Variants in MOB3B observed in about 807,000 individuals in gnomAD.
The protein encoded by MOB3B is MOB kinase activator-like 2B.
Under a neutral mutation model 18.7 loss-of-function variants are expected in MOB3B, and 7 were observed. That is an observed-to-expected ratio of 0.37 (90% confidence interval 0.21 to 0.70). The LOEUF (loss-of-function observed/expected upper bound fraction) is 0.70. Among genes scored for constraint, MOB3B ranks in the 30% least tolerant of loss-of-function variants. MOB3B has a pLI of 0.52. For missense variants in MOB3B, 253 were observed against 281.3 expected, an observed-to-expected ratio of 0.90 and a Z score of 0.72; for synonymous variants, 111 against 99.9, an observed-to-expected ratio of 1.11 and a Z score of -0.66.
At chr9:27,495,227 A>G (rs1819878239) in intron 1 of MOB3B, among the ~76,000 whole-genome samples, 1 of 152,170 alleles carries the variant, frequency 6.6e-6, no homozygotes, top group Non-Finnish European at 1.5e-5. Context: ...GCTATTCAGC[A>G]GGCTGAGGCA....
chr9:27,392,030 C>T (rs745657359), intron 2 of MOB3B, among the ~76,000 whole-genome samples: 5 of 152,248 alleles, frequency 3.3e-5, no homozygotes, highest in East Asian at 1.9e-4. Flanking sequence ...AGATTCAATG[C>T]CTTTCTATAA....
At chr9:27,465,113 T>A (rs1819359097) in intron 1 of MOB3B, among the ~76,000 whole-genome samples, 1 of 152,090 alleles carries the variant, frequency 6.6e-6, no homozygotes, top group African/African-American at 2.4e-5. Flanking sequence ...TAGTCCAAAG[T>A]CTCATCTGAG....
At chr9:27,529,160 C>T (rs1403531010) in intron 1 of MOB3B, among the ~76,000 whole-genome samples, 3 of 152,214 alleles carry the variant, frequency 2.0e-5, no homozygotes, top group African/African-American at 7.2e-5. Context: ...TTTGTCTTCC[C>T]GCCACCCACA....
At chr9:27,334,610 C>T (rs1026959740) in intron 3 of MOB3B, among the ~76,000 whole-genome samples, 13 of 152,146 alleles carry the variant, frequency 8.5e-5, no homozygotes, top group African/African-American at 2.9e-4. Context: ...AACAAACTTC[C>T]GTGAACTCTA....
At chr9:27,522,927 A>ATATT (rs1554657403) in intron 1 of MOB3B, among the ~76,000 whole-genome samples, 5 of 150,810 alleles carry the variant, frequency 3.3e-5, no homozygotes, top group Admixed American at 2.0e-4. Context: ...ATATATATAT[A>ATATT]TTTTTTTCCG....
intron 1 of MOB3B, among the ~76,000 whole-genome samples, chr9:27,457,686 G>A (rs569154988): frequency 6.8e-6 from 1 of 147,844 alleles, no homozygotes; most frequent in South Asian, 2.1e-4. Context: ...ATATCCGCAA[G>A]GTGGGTTTTT....
chr9:27,411,447 T>C (rs1020733839), intron 2 of MOB3B, among the ~76,000 whole-genome samples: 4 of 152,238 alleles, frequency 2.6e-5, no homozygotes, highest in African/African-American at 4.8e-5. Flanking sequence ...AGTGAGGCCA[T>C]AGACGGGTAA....
At chr9:27,383,224 C>A (rs1348700888) in intron 2 of MOB3B, among the ~76,000 whole-genome samples, 1 of 152,126 alleles carries the variant, frequency 6.6e-6, no homozygotes, top group Non-Finnish European at 1.5e-5. Flanking sequence ...GAACCTCACC[C>A]ACAGGGCTGT....
At chr9:27,360,232 G>T (rs1252819544) in intron 2 of MOB3B, among the ~76,000 whole-genome samples, 1 of 152,148 alleles carries the variant, frequency 6.6e-6, no homozygotes, top group Non-Finnish European at 1.5e-5. Flanking sequence ...GGCCAGATGC[G>T]GTGGCTCACA....
intron 1 of MOB3B, among the ~76,000 whole-genome samples, chr9:27,474,142 C>T (rs898059013): frequency 7.2e-5 from 11 of 152,158 alleles, no homozygotes; most frequent in African/African-American, 2.4e-4. Context: ...TTTACACGAT[C>T]TCATTTTTAT....
chr9:27,468,801 A>G (rs1379840620), intron 1 of MOB3B, among the ~76,000 whole-genome samples: 2 of 152,196 alleles, frequency 1.3e-5, no homozygotes, highest in African/African-American at 2.4e-5. Flanking sequence ...AGGCCCCCAT[A>G]ATCATAATGA....
intron 2 of MOB3B, among the ~76,000 whole-genome samples, chr9:27,436,293 A>G (rs1454238486): frequency 1.3e-5 from 2 of 152,210 alleles, no homozygotes; most frequent in African/African-American, 4.8e-5. Context: ...TTCATTCATC[A>G]ACTTATACAA....
intron 1 of MOB3B, among the ~76,000 whole-genome samples, chr9:27,488,811 C>T (rs1291884973): frequency 6.6e-6 from 1 of 152,144 alleles, no homozygotes; most frequent in Non-Finnish European, 1.5e-5. Flanking sequence ...ATGTGGTCAG[C>T]ACAGAAAGGA....
intron 1 of MOB3B, among the ~76,000 whole-genome samples, chr9:27,470,116 A>AAAAAAG (rs1819449851): frequency 6.7e-6 from 1 of 150,344 alleles, no homozygotes. Flanking sequence ...TCTTAAAAGA[A>AAAAAAG]AAAAAAAAAA....
intron 3 of MOB3B, among the ~76,000 whole-genome samples, chr9:27,335,877 C>T (rs1004653745): frequency 1.3e-5 from 2 of 152,114 alleles, no homozygotes; most frequent in African/African-American, 4.8e-5. Context: ...GGTTTCAGCA[C>T]CAGGCTGCTC....
intron 2 of MOB3B, among the ~76,000 whole-genome samples, chr9:27,446,116 A>T (rs1340348249): frequency 6.6e-6 from 1 of 152,182 alleles, no homozygotes; most frequent in African/African-American, 2.4e-5. Flanking sequence ...CACTAAGGAG[A>T]TATTCACATA....
At chr9:27,357,214 G>A (rs991037864) in intron 3 of MOB3B, among the ~76,000 whole-genome samples, 1 of 142,794 alleles carries the variant, frequency 7.0e-6, no homozygotes, top group African/African-American at 2.6e-5. Context: ...CACTAAAGGT[G>A]ATATGTGAAA....
Position 27,351,267 on chromosome 9 carries a change from A to G in MOB3B, c.621+7767T>C, listed in dbSNP as rs73643199. Among the ~76,000 whole-genome samples, 1,247 of 135,428 alleles carry G rather than the reference A, an allele frequency of 9.2e-3. 13 individuals carry two copies. The highest frequency in any genetic ancestry group is 0.032 in the African/African-American group (1,141 of 35,660). The allele number at this position is 135,428 out of a possible 152,430, so 88.8% of individuals were successfully genotyped here. On this transcript the variant is annotated intron_variant, in intron 3 of 3. Coordinates refer to ENST00000262244, the MANE Select transcript of MOB3B (RefSeq NM_024761.5). ...GAGAAACGGTTGTCTTGGATGAAAG[A>G]TGACAGGGCTGCTGACACATCATAT...
At chr9:27,422,995 T>C (rs1195813801) in intron 2 of MOB3B, among the ~76,000 whole-genome samples, 1 of 152,192 alleles carries the variant, frequency 6.6e-6, no homozygotes, top group African/African-American at 2.4e-5. Context: ...ATCCCAATAA[T>C]AATGAGCATG....
Sources: allele counts gnomAD v4.1 joint callset (sites outside exome capture counted in the v4.1 genomes callset), GRCh38; gene constraint gnomAD v4.1.1; transcripts MANE v1.5; gene names NCBI Gene and HGNC (gene_info 2026-07-23, HGNC 2026-07-21).